Variants in UBXN2A observed in about 807,000 individuals in gnomAD.
The protein encoded by UBXN2A is UBX domain-containing protein 2A.
A neutral mutation model predicts 28.4 loss-of-function variants in UBXN2A; 28 were observed. The ratio of observed to expected loss-of-function variants is 0.99; its 90% CI spans 0.73 to 1.35. The LOEUF (loss-of-function observed/expected upper bound fraction) is 1.35. Among genes scored for constraint, UBXN2A ranks in the 40% most tolerant of loss-of-function variants. The pLI is 0.00. For missense variants in UBXN2A, 253 were observed against 297.9 expected (o/e 0.85, Z 1.11); for synonymous variants, 97 against 103.6 (o/e 0.94, Z 0.39).
intron 1 of UBXN2A, among the ~76,000 whole-genome samples, chr2:23,927,879 A>G (rs1260053728): frequency 4.6e-5 from 7 of 152,224 alleles, no homozygotes; most frequent in Non-Finnish European, 1.0e-4. Flanking sequence ...AATTCATATG[A>G]AAAGCTCTGC....
chr2:23,975,807 G>A (rs964880996), intron 3 of UBXN2A, among the ~76,000 whole-genome samples: 2 of 152,042 alleles, frequency 1.3e-5, no homozygotes, highest in Non-Finnish European at 2.9e-5. Context: ...TGTATTTTTA[G>A]TAGAGACGGG....
chr2:23,951,716 C>A (rs1706381699), intron 1 of UBXN2A, among the ~76,000 whole-genome samples: 1 of 151,862 alleles, frequency 6.6e-6, no homozygotes, highest in East Asian at 1.9e-4. Context: ...CTGCCTGGGC[C>A]TCCCAGAGAG....
upstream of UBXN2A, among the ~76,000 whole-genome samples, chr2:23,938,068 G>A (rs1705581866): frequency 2.0e-5 from 3 of 152,132 alleles, no homozygotes; most frequent in African/African-American, 4.8e-5. Flanking sequence ...GTCATGGACC[G>A]AAAGGTTGTT....
At chr2:23,963,581 C>T (rs1048065563) in intron 2 of UBXN2A, among the ~76,000 whole-genome samples, 2 of 151,872 alleles carry the variant, frequency 1.3e-5, no homozygotes, top group African/African-American at 2.4e-5. Context: ...CAGGGAAATG[C>T]AAATCAAAAT....
At chr2:23,981,751 G>T (rs144019318) in intron 4 of UBXN2A, among the ~76,000 whole-genome samples, 1 of 151,720 alleles carries the variant, frequency 6.6e-6, no homozygotes, top group Non-Finnish European at 1.5e-5. Flanking sequence ...AAAATTAGCC[G>T]GGCATGGTGG....
chr2:23,984,555 T>C, intron 5 of UBXN2A, 118 bp from the exon 6 acceptor site: 1 of 867,300 alleles, frequency 1.2e-6, no homozygotes. Flanking sequence ...GAAACACATA[T>C]AACTTAAAAA....
chr2:23,993,320 T>C (rs1708418969), intron 6 of UBXN2A, among the ~76,000 whole-genome samples: 1 of 152,226 alleles, frequency 6.6e-6, no homozygotes, highest in Admixed American at 6.5e-5. Context: ...CGTAGCTTTT[T>C]TTCCCCCTAA....
chr2:23,994,081 A>C lies in UBXN2A; in HGVS notation c.585-5591A>C, dbSNP rs549076257. Among the ~76,000 whole-genome samples, 5 of 152,286 alleles carry C rather than the reference A, an allele frequency of 3.3e-5. No individual in the cohort carries two copies. In the South Asian group the frequency reaches 1.0e-3, roughly 32 times the overall value. On this transcript the variant is annotated intron_variant, in intron 6 of 6. Coordinates refer to ENST00000309033, the MANE Select transcript of UBXN2A (RefSeq NM_181713.4). ...TTAAAGACCATTTTCACTAGGCTAGAACTGTCAGGTTTTTCTAGCACATCA... is the reference window on the plus strand; with the variant it reads ...TTAAAGACCATTTTCACTAGGCTAGCACTGTCAGGTTTTTCTAGCACATCA...
At chr2:23,930,130 T>C (rs1181303680) in intron 1 of UBXN2A, among the ~76,000 whole-genome samples, 3 of 152,096 alleles carry the variant, frequency 2.0e-5, no homozygotes, top group Non-Finnish European at 2.9e-5. Context: ...CCTCGTGATC[T>C]GCCTGCCTCA....
intron 2 of UBXN2A, 71 bp from the exon 3 acceptor site, chr2:23,971,205 A>C: frequency 7.0e-7 from 1 of 1,420,142 alleles, no homozygotes; most frequent in Admixed American, 2.2e-5. Context: ...AATATCCTTA[A>C]CTAGAACAAA....
intron 2 of UBXN2A, among the ~76,000 whole-genome samples, 183 bp from the exon 3 acceptor site, chr2:23,971,093 G>GA (rs1299671828): frequency 6.6e-6 from 1 of 152,162 alleles, no homozygotes; most frequent in African/African-American, 2.4e-5. Context: ...CTGAGGTTGA[G>GA]AAAACCATGC....
intron 6 of UBXN2A, among the ~76,000 whole-genome samples, chr2:23,995,101 A>G (rs745545046): frequency 6.6e-6 from 1 of 152,190 alleles, no homozygotes; most frequent in Non-Finnish European, 1.5e-5. Flanking sequence ...GAGTTAGCCA[A>G]TAACTTAAGA....
chr2:23,957,208 T>A (rs72796401), intron 1 of UBXN2A, among the ~76,000 whole-genome samples: 28,353 of 151,860 alleles, frequency 0.19, 2,750 homozygotes, highest in Middle Eastern at 0.26. Context: ...ATGATGACCC[T>A]CTGCATCCTT....
intron 2 of UBXN2A, among the ~76,000 whole-genome samples, chr2:23,962,798 G>T (rs1246111299): frequency 2.6e-5 from 4 of 151,926 alleles, no homozygotes; most frequent in East Asian, 1.9e-4. Flanking sequence ...TAGAGACAGG[G>T]TTTCTCCATG....
At chr2:23,957,049 T>C (rs915926838) in intron 1 of UBXN2A, among the ~76,000 whole-genome samples, 1 of 152,200 alleles carries the variant, frequency 6.6e-6, no homozygotes, top group Non-Finnish European at 1.5e-5. Context: ...CCTGATACTA[T>C]GTAAATAGTT....
chr2:23,949,783 A>G (rs1225881467), intron 1 of UBXN2A, among the ~76,000 whole-genome samples: 3 of 151,736 alleles, frequency 2.0e-5, no homozygotes, highest in Non-Finnish European at 4.4e-5. Context: ...GCTGAGGCAG[A>G]AGAATCACTT....
chr2:23,978,409 C>T (rs752322257), intron 4 of UBXN2A, among the ~76,000 whole-genome samples: 8 of 150,924 alleles, frequency 5.3e-5, no homozygotes, highest in Admixed American at 1.3e-4. Context: ...TTTGGGAGGC[C>T]GAGGCGTGCA....
chr2:23,993,645 C>A (rs1168694098), intron 6 of UBXN2A, among the ~76,000 whole-genome samples: 1 of 150,418 alleles, frequency 6.6e-6, no homozygotes, highest in African/African-American at 2.4e-5. Flanking sequence ...GATGTTTTAG[C>A]CTGAACAATT....
chr2:23,964,621 A>G (rs1237524264), intron 2 of UBXN2A, among the ~76,000 whole-genome samples: 3 of 152,194 alleles, frequency 2.0e-5, no homozygotes, highest in East Asian at 1.9e-4. Flanking sequence ...AGGAGTTGCT[A>G]ATCAGTGGGC....
Sources: allele counts gnomAD v4.1 joint callset (sites outside exome capture counted in the v4.1 genomes callset), GRCh38; gene constraint gnomAD v4.1.1; transcripts MANE v1.5; gene names NCBI Gene and HGNC (gene_info 2026-07-23, HGNC 2026-07-21).